PDGFRA: variants seen among roughly 807,000 people sequenced by gnomAD.
PDGFRA encodes platelet derived growth factor receptor alpha.
Under a neutral mutation model 121.5 loss-of-function variants are expected in PDGFRA, and 25 were observed. The ratio of observed to expected loss-of-function variants is 0.21; its 90% CI spans 0.15 to 0.29. PDGFRA has a LOEUF of 0.29. Ranked by LOEUF, PDGFRA falls within the 10% of genes least tolerant of loss-of-function variation. PDGFRA has a pLI of 1.00. For synonymous variants in PDGFRA, 463 were observed against 494.8 expected (o/e 0.94, Z 0.85); for missense variants, 1,008 against 1,345.1 (o/e 0.75, Z 3.92).
chr4:54,268,734 CA>C (rs1259066581), intron 7 of PDGFRA, among the ~76,000 whole-genome samples: 10 of 152,168 alleles, frequency 6.6e-5, no homozygotes, highest in Admixed American at 3.9e-4. Context: ...TCTGTTGACA[CA>C]AAATGAAGGT....
At chr4:54,242,575 A>ATG (rs1045952085) in intron 1 of PDGFRA, among the ~76,000 whole-genome samples, 13 of 152,028 alleles carry the variant, frequency 8.6e-5, no homozygotes, top group Admixed American at 7.2e-4. Context: ...ATATGTATGT[A>ATG]TGTGTGTATA....
chr4:54,230,668 C>T (rs912545157), intron 1 of PDGFRA: 5 of 151,904 alleles, frequency 3.3e-5, no homozygotes, highest in Non-Finnish European at 5.9e-5. Context: ...CCCTGGACAC[C>T]CCCTACCCGG....
At chr4:54,286,462 T>G (rs1724367852) in intron 18 of PDGFRA, among the ~76,000 whole-genome samples, 1 of 152,026 alleles carries the variant, frequency 6.6e-6, no homozygotes, top group African/African-American at 2.4e-5. Flanking sequence ...GTTGAAGCAA[T>G]TCTCCTGCCT....
At position 54,262,163 on chromosome 4, in the gene PDGFRA, T is replaced by G. The variant is rs1047742986; in HGVS notation, c.367+751T>G. On this transcript the variant is annotated intron_variant, in intron 3 of 22. Transcript: ENST00000257290. ...CAGGCTGGTCTTGAACTCCTGACCT[T>G]AAGTGATCTGCCTGCTTCGGCCTCC... 3.3e-5 allele frequency among the ~76,000 whole-genome samples: 5 copies of G among 151,944 alleles called. No homozygotes were observed. In the South Asian group the frequency reaches 1.0e-3, roughly 32 times the overall value.
At chr4:54,241,540 TTTA>T (rs1299367075) in intron 1 of PDGFRA, among the ~76,000 whole-genome samples, 1 of 151,536 alleles carries the variant, frequency 6.6e-6, no homozygotes, top group African/African-American at 2.4e-5. Context: ...TATTTATTTA[TTTA>T]TTTATTTATT....
chr4:54,290,834 A>G (rs1256802618), intron 22 of PDGFRA, among the ~76,000 whole-genome samples: 2 of 152,228 alleles, frequency 1.3e-5, no homozygotes, highest in African/African-American at 4.8e-5. Context: ...TAATTTGATC[A>G]AATTGATACA....
At position 54,277,346 on chromosome 4, in the gene PDGFRA, C is replaced by A. The variant is rs759227627; in HGVS notation, c.1787-42C>A. The A allele has an allele frequency of 5.2e-6, 7 of 1,339,608 alleles. No homozygotes were observed. In the East Asian group the frequency reaches 1.4e-4, roughly 26 times the overall value. 83.0% of individuals were successfully genotyped at this position (1,339,608 alleles called of 1,614,324 possible). Reference sequence around the variant, plus strand: ...GCTACGGTGCAGAAAGCTGAGGAGGCGTCTGGAGTTTTTGGGTGTTAATGA... The same window carrying A: ...GCTACGGTGCAGAAAGCTGAGGAGGAGTCTGGAGTTTTTGGGTGTTAATGA... On this transcript the variant is annotated intron_variant, in intron 12 of 22. Transcript: ENST00000257290.
intron 21 of PDGFRA, 61 bp downstream of exon 21, chr4:54,289,175 G>A: frequency 1.0e-6 from 1 of 956,400 alleles, no homozygotes; most frequent in Non-Finnish European, 1.7e-6. Context: ...CCAGTGAGCT[G>A]TGCTGTTCCG....
chr4:54,264,873 G>A (rs748285128), intron 4 of PDGFRA, 46 bp from the exon 5 acceptor site: 1 of 1,571,354 alleles, frequency 6.4e-7, no homozygotes, highest in South Asian at 1.1e-5. Context: ...TAAGATCCTG[G>A]CTATCCTGTG....
intron 1 of PDGFRA, chr4:54,240,217 A>C: frequency 5.4e-6 from 1 of 184,582 alleles, no homozygotes; most frequent in Non-Finnish European, 1.2e-5. Context: ...TTCTTATTTC[A>C]TGTTTGTAGT....
intron 1 of PDGFRA, among the ~76,000 whole-genome samples, chr4:54,253,363 G>A (rs1206634973): frequency 6.6e-6 from 1 of 152,228 alleles, no homozygotes; most frequent in African/African-American, 2.4e-5. Flanking sequence ...AAGAGACTGA[G>A]GTTCAGAGAT....
intron 19 of PDGFRA, 143 bp from the exon 20 acceptor site, chr4:54,288,656 G>C: frequency 2.8e-6 from 2 of 718,006 alleles, no homozygotes; most frequent in South Asian, 3.0e-5. Flanking sequence ...TCAAGGAGAT[G>C]ATGACACTGA....
intron 16 of PDGFRA, among the ~76,000 whole-genome samples, chr4:54,284,792 A>G (rs1724239423): frequency 1.3e-5 from 1 of 77,448 alleles, no homozygotes; most frequent in Admixed American, 1.6e-4. Context: ...TATCCAAACT[A>G]TATCATTGCG....
In PDGFRA at chr4:54,263,755, A is replaced by G. The variant is rs2110251619; in HGVS notation, c.456A>G (p.Thr152=). The change falls in exon 4 of 23, where the codon ACA becomes ACG. Residue 152 remains threonine (T), a synonymous_variant. Transcript: ENST00000257290. ...ATTCTGCCATTATACCTTGTCGCAC[A>G]ACTGATCCCGAGACTCCTGTAACCT... ...DDDSAIIPCR[T]TDPETPVTLH... 6.2e-7 allele frequency: 1 copy of G among 1,614,132 alleles called. No homozygotes were observed. Among genetic ancestry groups the G allele is most frequent in the Non-Finnish European group, 8.5e-7 (1 of 1,180,010 alleles).
rs1205844746 is a variant in PDGFRA at position 54,296,416 on chromosome 4, A to G, written c.*1144A>G. ...CCTGATGAAAGCTTTGGCGACCCCA[A>G]TATATGTATTTTTTGAATCTATGAA... On this transcript the variant is annotated 3_prime_UTR_variant, in exon 23 of 23. Transcript: ENST00000257290. The G allele has an allele frequency of 4.4e-6, 1 of 228,644 alleles. No homozygotes were observed. The highest frequency in any genetic ancestry group is 6.1e-5 in the East Asian group (1 of 16,298). The allele number at this position is 228,644 out of a possible 1,614,324, so 14.2% of individuals were successfully genotyped here. A position where few individuals can be genotyped will look rare whatever the true frequency, so the allele number is the denominator to read the frequency against.
intron 5 of PDGFRA, among the ~76,000 whole-genome samples, chr4:54,265,539 C>G (rs1376016736): frequency 1.3e-5 from 2 of 152,164 alleles, no homozygotes; most frequent in African/African-American, 4.8e-5. Flanking sequence ...TGTGCCTGAC[C>G]TTTGCATGGC....
At chr4:54,279,543 T>A (rs866846378) in intron 15 of PDGFRA, among the ~76,000 whole-genome samples, 3 of 152,214 alleles carry the variant, frequency 2.0e-5, no homozygotes, top group South Asian at 4.1e-4. Context: ...TTTCTTTTTT[T>A]CCCTATTTAA....
intron 5 of PDGFRA, among the ~76,000 whole-genome samples, chr4:54,265,733 C>T: frequency 6.6e-6 from 1 of 152,262 alleles, no homozygotes; most frequent in East Asian, 1.9e-4. Context: ...GAGTCTCAGT[C>T]ATTCTAATGC....
rs370656660 is a variant in PDGFRA, at chr4:54,267,327, C to A, written c.798C>A (p.Val266=). 1 of 1,614,170 alleles carries A rather than the reference C, an allele frequency of 6.2e-7. No homozygotes were observed. Among genetic ancestry groups the A allele is most frequent in the South Asian group, 1.1e-5 (1 of 91,088 alleles). The change falls in exon 6 of 23, where the codon GTC becomes GTA. Residue 266 remains valine, a synonymous_variant. Transcript: ENST00000257290. ...KGITMLEEIK[V]PSIKLVYTLT... ...TCACAATGCTGGAAGAAATCAAAGT[C>A]CCATCCATCAAATTGGTGTACACTT...
Sources: gnomAD v4.1 joint callset for allele counts (sites outside exome capture counted in the v4.1 genomes callset) on GRCh38, gnomAD v4.1.1 for gene constraint, MANE v1.5 for transcripts, NCBI Gene and HGNC (gene_info 2026-07-23, HGNC 2026-07-21) for gene names.